Variants in TF observed in about 807,000 individuals in gnomAD.
The protein encoded by TF is serotransferrin.
In TF, 55 loss-of-function variants were observed where a neutral mutation model predicts 82.4. The observed-to-expected ratio is 0.67, with a 90% CI of 0.54 to 0.84. The LOEUF (loss-of-function observed/expected upper bound fraction) is 0.84. Ranked by LOEUF, TF falls within the 40% of genes least tolerant of loss-of-function variation. TF has a pLI of 0.00. For missense variants in TF, 737 were observed against 868.4 expected (o/e 0.85, Z 1.90); for synonymous variants, 332 against 332.6 (o/e 1.00, Z 0.02).
In TF at chr3:133,781,590, C is replaced by T. The variant is rs1194440632; in HGVS notation, c.*2970C>T. The T allele has an allele frequency of 6.6e-6, 1 of 152,066 alleles. No individual in the cohort carries two copies. The highest frequency in any genetic ancestry group is 2.4e-5 in the African/African-American group (1 of 41,432). 9.4% of individuals were successfully genotyped at this position (152,066 alleles called of 1,614,324 possible). On this transcript the variant is annotated 3_prime_UTR_variant, in exon 17 of 17. Transcript: ENST00000402696. ...ACTCAGTATTGTAAAGATGTCAATT[C>T]TCCCTAAATTAATCAATATACAATT...
Position 133,779,165 on chromosome 3 carries a change from C to G in TF, c.*545C>G, listed in dbSNP as rs1934465537. ...GGTATTTTAAATGAATTCCATCAGG[C>G]TGAGGTCCTGATTCTAACTAGCTGA... is the stretch of plus-strand genomic sequence containing the variant. On this transcript the variant is annotated 3_prime_UTR_variant, in exon 17 of 17. Transcript: ENST00000402696. 6.4e-6 allele frequency: 1 copy of G among 155,096 alleles called. No individual in the cohort carries two copies. Among genetic ancestry groups the G allele is most frequent in the African/African-American group, 2.4e-5 (1 of 41,464 alleles). The allele number at this position is 155,096 out of a possible 1,614,324, so 9.6% of individuals were successfully genotyped here.
the TF span, among the ~76,000 whole-genome samples, chr3:133,713,322 A>G: frequency 1.5e-3 from 224 of 152,358 alleles, 1 homozygote; most frequent in African/African-American, 5.1e-3. Flanking sequence ...TGGGCTCTCA[A>G]TGCAATAGAA....
the TF span, among the ~76,000 whole-genome samples, chr3:133,667,867 G>A: frequency 6.6e-6 from 1 of 152,086 alleles, no homozygotes; most frequent in Non-Finnish European, 1.5e-5. Flanking sequence ...ATGAGATATG[G>A]GGCTTTCTGC....
chr3:133,733,041 C>G, the TF span, among the ~76,000 whole-genome samples: 1 of 152,242 alleles, frequency 6.6e-6, no homozygotes, highest in South Asian at 2.1e-4. Context: ...CTGAATGCCA[C>G]TTCTACCAAC....
the TF span, among the ~76,000 whole-genome samples, chr3:133,687,392 G>A: frequency 6.6e-6 from 1 of 151,884 alleles, no homozygotes; most frequent in African/African-American, 2.4e-5. Context: ...ACCTACGAGG[G>A]TAGGAAGCTT....
the TF span, among the ~76,000 whole-genome samples, chr3:133,690,651 G>A: frequency 6.6e-6 from 1 of 152,192 alleles, no homozygotes; most frequent in Admixed American, 6.5e-5. Flanking sequence ...TGTTAGAGGA[G>A]TTTGACCTTA....
In TF at chr3:133,788,392, A is replaced by G. The variant is rs893572708; in HGVS notation, c.*9772A>G. The G allele has an allele frequency of 2.6e-5, 4 of 152,198 alleles. No homozygotes were observed. Among genetic ancestry groups the G allele is most frequent in the Admixed American group, 2.6e-4 (4 of 15,282 alleles). The allele number at this position is 152,198 out of a possible 1,614,324, so 9.4% of individuals were successfully genotyped here. A position where few individuals can be genotyped will look rare whatever the true frequency, so the allele number is the denominator to read the frequency against. On this transcript the variant is annotated 3_prime_UTR_variant, in exon 17 of 17. Transcript: ENST00000402696. ...TATTTAAACCCGAGAAAATTCTGTA[A>G]CTGGGCTCTTGAGCCCCTAAGCACA...
chr3:133,778,572 G>T lies in TF; in HGVS notation c.2063-14G>T. 6.2e-7 allele frequency: 1 copy of T among 1,612,632 alleles called. No homozygotes were observed. Among genetic ancestry groups the T allele is most frequent in the South Asian group, 1.1e-5 (1 of 91,050 alleles). ...AAGATTTTGAAAATCCTACCTCTCT[G>T]CTCTGCTCCACAGCACTCCTGGAAG... On this transcript the variant is annotated splice_polypyrimidine_tract_variant and intron_variant, in intron 16 of 16. Transcript: ENST00000402696.
At position 133,791,229 on chromosome 3, in the gene TF, A is replaced by G. The variant is rs1387825408; in HGVS notation, c.*12609A>G. 1 of 152,154 alleles carries G rather than the reference A, an allele frequency of 6.6e-6. No homozygotes were observed. The highest frequency in any genetic ancestry group is 2.4e-5 in the African/African-American group (1 of 41,422). The allele number at this position is 152,154 out of a possible 1,614,324, so 9.4% of individuals were successfully genotyped here. ...AGCTTTTTAACCTTGAACTAACTCA[A>G]ATTCTGTTTATGATACTTTAAGTGT... On this transcript the variant is annotated 3_prime_UTR_variant, in exon 17 of 17. Transcript: ENST00000402696.
chr3:133,683,863 C>A, the TF span, among the ~76,000 whole-genome samples: 2 of 152,216 alleles, frequency 1.3e-5, no homozygotes, highest in Admixed American at 6.5e-5. Context: ...TAATAGACAT[C>A]TACAGAACTC....
chr3:133,704,456 A>G, the TF span: 1 of 154,480 alleles, frequency 6.5e-6, no homozygotes, highest in East Asian at 1.8e-4. Context: ...AGAAAAAAAA[A>G]GTCTCCCTCT....
chr3:133,752,836 G>A (rs180817098), intron 2 of TF, among the ~76,000 whole-genome samples: 4 of 152,326 alleles, frequency 2.6e-5, no homozygotes, highest in Admixed American at 2.6e-4. Context: ...AGCTGCCCAT[G>A]TGTTGGAGTA....
At chr3:133,700,486 G>T in the TF span, among the ~76,000 whole-genome samples, 25 of 152,228 alleles carry the variant, frequency 1.6e-4, no homozygotes, top group Non-Finnish European at 2.9e-5. Context: ...GAGAAGAGGA[G>T]CTCAGGAAGT....
At chr3:133,684,175 T>C in the TF span, among the ~76,000 whole-genome samples, 1 of 151,972 alleles carries the variant, frequency 6.6e-6, no homozygotes, top group Non-Finnish European at 1.5e-5. Flanking sequence ...ACACAATATA[T>C]CAGAATCTCT....
At chr3:133,704,877 A>G in the TF span, among the ~76,000 whole-genome samples, 25 of 147,714 alleles carry the variant, frequency 1.7e-4, no homozygotes, top group Admixed American at 4.7e-4. Context: ...CCCTAATATC[A>G]TTGATTACAC....
intron 12 of TF, among the ~76,000 whole-genome samples, chr3:133,767,145 C>T (rs1047119530): frequency 6.6e-6 from 1 of 152,144 alleles, no homozygotes; most frequent in Admixed American, 6.5e-5. Flanking sequence ...TGTTGGCAAT[C>T]TCACCAAGTC....
chr3:133,770,874 A>G (rs1934242200), intron 14 of TF: 1 of 469,324 alleles, frequency 2.1e-6, no homozygotes, highest in Non-Finnish European at 3.9e-6. Context: ...AATCTCTTGC[A>G]TACCCACAGT....
intron 5 of TF, chr3:133,755,948 T>C: frequency 2.2e-6 from 1 of 464,920 alleles, no homozygotes; most frequent in Admixed American, 3.7e-5. Context: ...CTTGATTATA[T>C]CCTAAAGTTT....
At chr3:133,698,064 G>T in the TF span, among the ~76,000 whole-genome samples, 1 of 152,176 alleles carries the variant, frequency 6.6e-6, no homozygotes, top group Admixed American at 6.5e-5. Context: ...TCCTTCATAG[G>T]GTATAACCAG....
Sources: allele counts gnomAD v4.1 joint callset (sites outside exome capture counted in the v4.1 genomes callset), GRCh38; gene constraint gnomAD v4.1.1; transcripts MANE v1.5; gene names NCBI Gene and HGNC (gene_info 2026-07-23, HGNC 2026-07-21).